TRDN: variants seen among roughly 807,000 people sequenced by gnomAD.
The protein encoded by TRDN is triadin, also known as triadin in skeletal muscle.
In TRDN, 161 loss-of-function variants were observed where a neutral mutation model predicts 149.7. That is an observed-to-expected ratio of 1.08 (90% CI 0.95 to 1.23). TRDN has a LOEUF of 1.23. TRDN is among the 50% of genes most tolerant of loss of function. The pLI, the probability that TRDN is intolerant of heterozygous loss-of-function variation, is 0.00. For missense variants in TRDN, 896 were observed against 823.5 expected (o/e 1.09, Z -1.08); for synonymous variants, 294 against 250.5 (o/e 1.17, Z -1.64).
chr6:123,617,986 C>T (rs1785188069), intron 1 of TRDN, among the ~76,000 whole-genome samples: 1 of 152,130 alleles, frequency 6.6e-6, no homozygotes, highest in East Asian at 1.9e-4. Context: ...ATCCGCCCAT[C>T]TCGGCCTCCC....
chr6:123,272,132 A>G (rs943743825), intron 29 of TRDN, among the ~76,000 whole-genome samples: 4 of 151,996 alleles, frequency 2.6e-5, no homozygotes, highest in Non-Finnish European at 4.4e-5. Flanking sequence ...TGCAAAACAA[A>G]TCACACAGAC....
chr6:123,429,672 A>G (rs1774254505), intron 12 of TRDN, among the ~76,000 whole-genome samples: 1 of 152,226 alleles, frequency 6.6e-6, no homozygotes, highest in Non-Finnish European at 1.5e-5. Context: ...TTAAAAAATA[A>G]CTGGTGTCTA....
At chr6:123,346,374 C>T (rs542014799) in intron 21 of TRDN, among the ~76,000 whole-genome samples, 7 of 151,794 alleles carry the variant, frequency 4.6e-5, no homozygotes, top group South Asian at 4.2e-4. Flanking sequence ...ATCTGGAATA[C>T]GTATAATTCT....
chr6:123,430,356 G>A (rs986836618), intron 12 of TRDN, among the ~76,000 whole-genome samples: 8 of 151,726 alleles, frequency 5.3e-5, no homozygotes, highest in Non-Finnish European at 8.8e-5. Flanking sequence ...GCCGAGGCGC[G>A]CACATCACAA....
rs566549064 is a variant in TRDN, at chr6:123,561,806, C to T, written c.232+9117G>A. Reference sequence around the variant, plus strand: ...TCTCTCCCACTCTAGGTTCCCATGCCGCCCCAATCCCTCTCGAAGCAGCCC... The same window carrying T: ...TCTCTCCCACTCTAGGTTCCCATGCTGCCCCAATCCCTCTCGAAGCAGCCC... On this transcript the variant is annotated intron_variant, in intron 2 of 40. Transcript: ENST00000334268. 1.1e-4 allele frequency among the ~76,000 whole-genome samples: 17 copies of T among 152,140 alleles called. No homozygotes were observed. The South Asian group carries it at 1.2e-3, about 11-fold the overall frequency.
chr6:123,416,982 C>T (rs1222490154), intron 12 of TRDN, among the ~76,000 whole-genome samples: 5 of 152,164 alleles, frequency 3.3e-5, no homozygotes, highest in African/African-American at 7.2e-5. Flanking sequence ...GGATTACAGG[C>T]GTGAGCCACC....
intron 1 of TRDN, among the ~76,000 whole-genome samples, chr6:123,622,263 C>T (rs1785424368): frequency 6.6e-6 from 1 of 151,824 alleles, no homozygotes; most frequent in Non-Finnish European, 1.5e-5. Flanking sequence ...AAAACATTTT[C>T]CTTTCCCTAG....
chr6:123,281,228 G>C (rs1777574562), intron 24 of TRDN, among the ~76,000 whole-genome samples: 1 of 152,010 alleles, frequency 6.6e-6, no homozygotes, highest in Non-Finnish European at 1.5e-5. Flanking sequence ...TGATAACTGA[G>C]ATAAATTTGT....
chr6:123,331,775 G>A (rs1779668190), intron 23 of TRDN, 104 bp downstream of exon 23: 3 of 687,716 alleles, frequency 4.4e-6, no homozygotes, highest in Non-Finnish European at 6.8e-6. Flanking sequence ...TGAAGGCTAT[G>A]GTTTTGAGAG....
chr6:123,237,493 C>A (rs904156930), intron 38 of TRDN, among the ~76,000 whole-genome samples: 2 of 152,122 alleles, frequency 1.3e-5, no homozygotes, highest in Non-Finnish European at 2.9e-5. Context: ...CATGAACTGC[C>A]CGCCTCAGCC....
intron 24 of TRDN, among the ~76,000 whole-genome samples, chr6:123,286,675 AAAAAT>A (rs1429366362): frequency 1.3e-5 from 2 of 152,036 alleles, no homozygotes; most frequent in Admixed American, 6.6e-5. Flanking sequence ...AAACCTATGA[AAAAAT>A]AAAATAAAAT....
At chr6:123,351,881 C>T in intron 21 of TRDN, 5 of 984,786 alleles carry the variant, frequency 5.1e-6, no homozygotes, top group Non-Finnish European at 6.0e-6. Context: ...TAAGAGAAGC[C>T]ACATCACTTT....
At chr6:123,318,078 A>T (rs1211291036) in intron 23 of TRDN, among the ~76,000 whole-genome samples, 2 of 152,032 alleles carry the variant, frequency 1.3e-5, no homozygotes, top group Non-Finnish European at 2.9e-5. Flanking sequence ...TGTCTCAGTC[A>T]GTTTAGGCTA....
intron 40 of TRDN, among the ~76,000 whole-genome samples, chr6:123,221,099 T>C (rs1582734046): frequency 6.6e-6 from 1 of 151,910 alleles, no homozygotes; most frequent in African/African-American, 2.4e-5. Context: ...AGCAATTGAA[T>C]TGCTAAAACC....
At chr6:123,477,419 G>A (rs1218016083) in intron 9 of TRDN, among the ~76,000 whole-genome samples, 7 of 149,858 alleles carry the variant, frequency 4.7e-5, no homozygotes, top group African/African-American at 1.7e-4. Flanking sequence ...AACAGGTGCT[G>A]GGGAGGATGT....
At chr6:123,410,467 T>C (rs1422927680) in intron 12 of TRDN, among the ~76,000 whole-genome samples, 1 of 152,310 alleles carries the variant, frequency 6.6e-6, no homozygotes, top group African/African-American at 2.4e-5. Flanking sequence ...TGAACCAAAA[T>C]GTAATGTTAA....
At chr6:123,506,937 A>C (rs1257171531) in intron 7 of TRDN, among the ~76,000 whole-genome samples, 1 of 152,192 alleles carries the variant, frequency 6.6e-6, no homozygotes, top group Non-Finnish European at 1.5e-5. Flanking sequence ...CCAGACAGAC[A>C]GTGCTTAGGG....
At chr6:123,325,502 T>G (rs1367084949) in intron 23 of TRDN, among the ~76,000 whole-genome samples, 1 of 152,144 alleles carries the variant, frequency 6.6e-6, no homozygotes, top group Non-Finnish European at 1.5e-5. Context: ...AGATGACATA[T>G]GTGAATTGCA....
chr6:123,559,288 G>A (rs1781847724), intron 2 of TRDN, among the ~76,000 whole-genome samples: 2 of 152,100 alleles, frequency 1.3e-5, no homozygotes, highest in African/African-American at 4.8e-5. Flanking sequence ...TGATGGCCAG[G>A]CTTCTAAACC....
Sources: allele counts gnomAD v4.1 joint callset (sites outside exome capture counted in the v4.1 genomes callset), GRCh38; gene constraint gnomAD v4.1.1; transcripts MANE v1.5; gene names NCBI Gene and HGNC (gene_info 2026-07-23, HGNC 2026-07-21).